Variants in ATRNL1 observed in about 807,000 individuals in gnomAD.
The protein encoded by ATRNL1 is attractin-like protein 1.
In ATRNL1, 95 loss-of-function variants were observed where a neutral mutation model predicts 182.7. The ratio of observed to expected loss-of-function variants is 0.52; its 90% CI spans 0.44 to 0.62. The LOEUF (loss-of-function observed/expected upper bound fraction) is 0.62, where lower values mean the gene tolerates loss of function less well. Among genes scored for constraint, ATRNL1 ranks in the 20% least tolerant of loss-of-function variants. The probability of loss-of-function intolerance (pLI) is 0.00; values close to 1 mark genes in which losing one functional copy is unlikely to be tolerated. For synonymous variants in ATRNL1, 576 were observed against 568.3 expected (o/e 1.01, Z -0.19); for missense variants, 1,471 against 1,679.5 (o/e 0.88, Z 2.17).
intron 19 of ATRNL1, among the ~76,000 whole-genome samples, chr10:115,389,540 G>GTATATATATATATATATATATATATATA (rs58155967): frequency 2.2e-5 from 1 of 44,490 alleles, no homozygotes; most frequent in Non-Finnish European, 4.2e-5. Flanking sequence ...ATGTGTATGT[G>GTATATATATATATATATATATATATATA]TATATATATA....
intron 19 of ATRNL1, among the ~76,000 whole-genome samples, chr10:115,390,841 T>C (rs2134267258): frequency 6.6e-6 from 1 of 152,336 alleles, no homozygotes; most frequent in African/African-American, 2.4e-5. Flanking sequence ...CTTAATGTTT[T>C]GTGGTTTTCA....
In ATRNL1 at chr10:115,946,677, A is replaced by T. The variant is rs1282473219; in HGVS notation, c.*1898A>T. 2 of 152,100 alleles carry T rather than the reference A, an allele frequency of 1.3e-5. No individual in the cohort carries two copies. The highest frequency in any genetic ancestry group is 2.9e-5 in the Non-Finnish European group (2 of 67,998). The allele number at this position is 152,100 out of a possible 1,614,324, so 9.4% of individuals were successfully genotyped here. On this transcript the variant is annotated 3_prime_UTR_variant, in exon 29 of 29. Transcript: ENST00000355044. ...TCTCTCTCATTAAAGGAATGAGCTA[A>T]GTTTGTAAATATCTCCTAAAAACAA...
intron 26 of ATRNL1, among the ~76,000 whole-genome samples, chr10:115,635,110 T>C (rs1858778235): frequency 6.6e-6 from 1 of 152,094 alleles, no homozygotes; most frequent in Non-Finnish European, 1.5e-5. Context: ...ACTTTTCAAA[T>C]CATTAATCAT....
chr10:115,676,539 G>A (rs937073131), intron 26 of ATRNL1, among the ~76,000 whole-genome samples: 2 of 151,394 alleles, frequency 1.3e-5, no homozygotes, highest in African/African-American at 4.9e-5. Flanking sequence ...TGAGATCTCT[G>A]TCTATGTATG....
intron 28 of ATRNL1, among the ~76,000 whole-genome samples, chr10:115,857,028 T>G (rs989606273): frequency 6.6e-6 from 1 of 152,164 alleles, no homozygotes; most frequent in African/African-American, 2.4e-5. Context: ...CCTTCTCTGC[T>G]TACTCAAAAA....
At chr10:115,271,161 A>T (rs1288902342) in intron 13 of ATRNL1, among the ~76,000 whole-genome samples, 4 of 118,860 alleles carry the variant, frequency 3.4e-5, no homozygotes, top group African/African-American at 1.4e-4. Flanking sequence ...GAAAACAAAG[A>T]TATTACACAC....
At chr10:115,754,711 C>G (rs890828714) in intron 27 of ATRNL1, among the ~76,000 whole-genome samples, 13 of 152,110 alleles carry the variant, frequency 8.5e-5, no homozygotes, top group African/African-American at 3.1e-4. Flanking sequence ...TGAAGAAAGT[C>G]ATTGGTAGCT....
In ATRNL1 at chr10:115,234,794, G is replaced by T. The variant is rs112889979; in HGVS notation, c.1533-6777G>T. 9.4e-3 allele frequency among the ~76,000 whole-genome samples: 1,425 copies of T among 151,978 alleles called. 10 individuals carry two copies. The highest frequency in any genetic ancestry group is 0.016 in the Non-Finnish European group (1,062 of 67,944). ...ATTAGGGACCGGGTTTTGCTATGTTGCCCTGGCTGGTCTCGAACTCCTGAG... is the reference window on the plus strand; with the variant it reads ...ATTAGGGACCGGGTTTTGCTATGTTTCCCTGGCTGGTCTCGAACTCCTGAG... On this transcript the variant is annotated intron_variant, in intron 9 of 28. Transcript: ENST00000355044.
At chr10:115,818,794 T>C (rs1950226470) in intron 27 of ATRNL1, among the ~76,000 whole-genome samples, 1 of 152,118 alleles carries the variant, frequency 6.6e-6, no homozygotes, top group Non-Finnish European at 1.5e-5. Flanking sequence ...CAGTTCCTCC[T>C]TCACTAAGTC....
intron 1 of ATRNL1, among the ~76,000 whole-genome samples, chr10:115,106,704 C>T (rs1844028792): frequency 6.6e-6 from 1 of 152,132 alleles, no homozygotes; most frequent in African/African-American, 2.4e-5. Context: ...CCTCATTTTT[C>T]TCTTGCCACT....
In ATRNL1 at chr10:115,448,705, C is replaced by CAA. The variant is rs370934991; in HGVS notation, c.3323-13227_3323-13226dup. 9.7e-3 allele frequency among the ~76,000 whole-genome samples: 1,389 copies of CAA among 142,650 alleles called. 23 individuals are homozygous for CAA. Among genetic ancestry groups the CAA allele is most frequent in the African/African-American group, 0.033 (1,288 of 39,014 alleles). 93.6% of individuals were successfully genotyped at this position (142,650 alleles called of 152,430 possible). A position where few individuals can be genotyped will look rare whatever the true frequency, so the allele number is the denominator to read the frequency against. On this transcript the variant is annotated intron_variant, in intron 21 of 28. Coordinates refer to ENST00000355044, the MANE Select transcript of ATRNL1 (RefSeq NM_207303.4). ...GAACTGAAGGAAATCAAGACGCACACAAAAAAAAAACATTTAAAAGATAAA... is the reference window on the plus strand; with the variant it reads ...GAACTGAAGGAAATCAAGACGCACACAAAAAAAAAAAACATTTAAAAGATAAA...
intron 21 of ATRNL1, among the ~76,000 whole-genome samples, chr10:115,445,362 C>A (rs145615845): frequency 7.7e-6 from 1 of 130,076 alleles, no homozygotes; most frequent in African/African-American, 2.9e-5. Flanking sequence ...ACCTGGGAGG[C>A]AGAGGCTGCA....
At chr10:115,496,707 G>A (rs1849567414) in intron 24 of ATRNL1, among the ~76,000 whole-genome samples, 1 of 152,160 alleles carries the variant, frequency 6.6e-6, no homozygotes, top group African/African-American at 2.4e-5. Context: ...CTTTAAAATT[G>A]CTGAGTATCA....
At chr10:115,147,203 G>A (rs1303584709) in intron 5 of ATRNL1, among the ~76,000 whole-genome samples, 8 of 151,860 alleles carry the variant, frequency 5.3e-5, no homozygotes, top group East Asian at 1.9e-4. Flanking sequence ...GTTTTTGATT[G>A]GCAAATTCCC....
At chr10:115,449,401 AGCC>A (rs1197623339) in intron 21 of ATRNL1, among the ~76,000 whole-genome samples, 3 of 152,088 alleles carry the variant, frequency 2.0e-5, no homozygotes, top group Admixed American at 6.5e-5. Flanking sequence ...TCCCACTGCA[AGCC>A]ACTTTCATTG....
At chr10:115,813,341 G>C (rs576848003) in intron 27 of ATRNL1, among the ~76,000 whole-genome samples, 1 of 152,170 alleles carries the variant, frequency 6.6e-6, no homozygotes, top group African/African-American at 2.4e-5. Flanking sequence ...TTGCATTTTT[G>C]TTTCATTGTT....
chr10:115,135,015 C>A (rs1316677177), intron 5 of ATRNL1, among the ~76,000 whole-genome samples: 6 of 151,902 alleles, frequency 3.9e-5, no homozygotes, highest in Non-Finnish European at 5.9e-5. Context: ...TCAATAAATT[C>A]GGTATTGATG....
At chr10:115,505,478 T>G (rs2133650675) in intron 24 of ATRNL1, among the ~76,000 whole-genome samples, 1 of 152,238 alleles carries the variant, frequency 6.6e-6, no homozygotes, top group East Asian at 1.9e-4. Flanking sequence ...GTCTGTATAT[T>G]CTTTTGGTAT....
intron 7 of ATRNL1, 115 bp from the exon 8 acceptor site, chr10:115,170,922 A>G (rs1847263376): frequency 1.9e-6 from 1 of 536,962 alleles, no homozygotes; most frequent in Admixed American, 4.0e-5. Flanking sequence ...ACAATGCCTT[A>G]TGCATGTTGT....
Sources: allele counts gnomAD v4.1 joint callset (sites outside exome capture counted in the v4.1 genomes callset), GRCh38; gene constraint gnomAD v4.1.1; transcripts MANE v1.5; gene names NCBI Gene and HGNC (gene_info 2026-07-23, HGNC 2026-07-21).